Variants in CACNA1B observed in about 807,000 individuals in gnomAD.
CACNA1B encodes the protein voltage-dependent N-type calcium channel subunit alpha-1B.
In CACNA1B, 70 loss-of-function variants were observed where a neutral mutation model predicts 247.2. The ratio of observed to expected loss-of-function variants is 0.28; its 90% CI spans 0.23 to 0.35. The LOEUF (loss-of-function observed/expected upper bound fraction) is 0.35. Among genes scored for constraint, CACNA1B ranks in the 10% least tolerant of loss-of-function variants. CACNA1B has a pLI of 1.00. For missense variants in CACNA1B, 2,367 were observed against 3,197.4 expected (o/e 0.74, Z 6.26); for synonymous variants, 1,231 against 1,294.4 (o/e 0.95, Z 1.05).
chr9:137,936,081 T>C lies in CACNA1B; in HGVS notation c.967-16193T>C, dbSNP rs1043947611. On this transcript the variant is annotated intron_variant, in intron 6 of 46. Transcript: ENST00000371372. The stretch of plus-strand genomic sequence containing the variant: ...ACCGTGTTAGCCAGGATGGTCTTGA[T>C]CTCCTGACCTTGTGATCCGCCCGCC... Among the ~76,000 whole-genome samples the C allele has an allele frequency of 5.3e-5, 8 of 152,172 alleles. No individual in the cohort carries two copies. The East Asian group carries it at 1.5e-3, about 29-fold the overall frequency.
intron 11 of CACNA1B, among the ~76,000 whole-genome samples, chr9:137,972,999 T>TG (rs1958173876): frequency 6.6e-6 from 1 of 152,146 alleles, no homozygotes; most frequent in African/African-American, 2.4e-5. Flanking sequence ...TTCCCACCCT[T>TG]GGGGGTCAGG....
chr9:137,908,020 T>A (rs1335437620), intron 3 of CACNA1B, among the ~76,000 whole-genome samples: 1 of 152,258 alleles, frequency 6.6e-6, no homozygotes, highest in Admixed American at 6.5e-5. Context: ...GCTCTCGTTC[T>A]GCCCCATGCC....
At chr9:137,967,093 C>T (rs1589038263) in intron 10 of CACNA1B, among the ~76,000 whole-genome samples, 2 of 151,962 alleles carry the variant, frequency 1.3e-5, no homozygotes, top group African/African-American at 2.4e-5. Flanking sequence ...CTGCTTTAAT[C>T]GAGTTGCTGT....
intron 39 of CACNA1B, among the ~76,000 whole-genome samples, chr9:138,108,209 C>T (rs1286500690): frequency 2.7e-5 from 4 of 149,228 alleles, no homozygotes; most frequent in East Asian, 2.0e-4. Context: ...TGGTGGTGAA[C>T]GCCTGTGCTC....
chr9:137,923,267 G>C (rs1186302582), intron 6 of CACNA1B, among the ~76,000 whole-genome samples: 2 of 146,888 alleles, frequency 1.4e-5, no homozygotes, highest in African/African-American at 5.2e-5. Flanking sequence ...GTGGTGCCAG[G>C]TGGTATTCCA....
intron 6 of CACNA1B, among the ~76,000 whole-genome samples, chr9:137,921,959 C>A (rs374294147): frequency 4.1e-5 from 6 of 147,000 alleles, no homozygotes; most frequent in East Asian, 4.2e-4. Flanking sequence ...ATCCTGGGAG[C>A]AGAGTAAAGT....
At chr9:138,009,058 G>C (rs1049181114) in intron 16 of CACNA1B, among the ~76,000 whole-genome samples, 9 of 152,238 alleles carry the variant, frequency 5.9e-5, no homozygotes, top group Non-Finnish European at 1.0e-4. Context: ...GGGCAGGGAG[G>C]TGAGAGTTCA....
At chr9:137,910,656 G>A (rs1957349464) in intron 3 of CACNA1B, among the ~76,000 whole-genome samples, 1 of 152,154 alleles carries the variant, frequency 6.6e-6, no homozygotes, top group African/African-American at 2.4e-5. Flanking sequence ...CTCATAAGGA[G>A]CGTGCAACCT....
chr9:137,987,574 C>G (rs1375886586), intron 15 of CACNA1B, among the ~76,000 whole-genome samples: 1 of 152,186 alleles, frequency 6.6e-6, no homozygotes, highest in Non-Finnish European at 1.5e-5. Context: ...GGAGGCCCAA[C>G]AGGCTGTGTT....
chr9:137,952,809 G>A lies in CACNA1B; in HGVS notation c.1070+432G>A, dbSNP rs1957894313. On this transcript the variant is annotated intron_variant, in intron 7 of 46. Transcript: ENST00000371372. The surrounding 1 kb of genome is among the most constrained non-coding windows in gnomAD (Gnocchi z 4.8). ...TGTGATGGGAAGTGTGGTCTTGGTA[G>A]ATGGAGGTGTGGTCTGGGACAGGGT... 6.6e-6 allele frequency among the ~76,000 whole-genome samples: 1 copy of A among 151,878 alleles called. No individual in the cohort carries two copies. The highest frequency in any genetic ancestry group is 2.4e-5 in the African/African-American group (1 of 41,308).
chr9:138,011,419 G>A lies in CACNA1B; in HGVS notation c.2160+1342G>A, dbSNP rs757907020. 1.2e-4 allele frequency among the ~76,000 whole-genome samples: 18 copies of A among 152,258 alleles called. No individual in the cohort carries two copies. The highest frequency in any genetic ancestry group is 3.4e-3 in the Middle Eastern group (1 of 294). On this transcript the variant is annotated intron_variant, in intron 17 of 46. Coordinates refer to ENST00000371372, the MANE Select transcript of CACNA1B (RefSeq NM_000718.4). The surrounding 1 kb of genome is among the most constrained non-coding windows in gnomAD (Gnocchi z 4.2). ...TAGGAATTTCTTCTCTGAGGATCGG[G>A]GCCACTGGGGGCCTGTCTGTGTCTG...
Position 138,096,591 on chromosome 9 carries a change from T to G in CACNA1B, c.5202T>G (p.Ala1734=), listed in dbSNP as rs1455133487. Residue 1734 remains alanine (A), a synonymous_variant, in exon 37 of 47, where the codon GCT becomes GCG. Coordinates refer to ENST00000371372, the MANE Select transcript of CACNA1B (RefSeq NM_000718.4). The part of the protein sequence containing the change: ...HHLDEFIRVW[A]EYDPAACGRI... ...TGGATGAGTTCATCCGGGTCTGGGC[T>G]GAATACGACCCGGCTGCGTGGTAAG... 5.6e-6 allele frequency: 9 copies of G among 1,612,380 alleles called. No individual in the cohort carries two copies. The highest frequency in any genetic ancestry group is 7.6e-6 in the Non-Finnish European group (9 of 1,179,188).
At position 138,050,075 on chromosome 9, in the gene CACNA1B, G is replaced by T; in HGVS notation, c.3710+760G>T. Reference sequence around the variant, plus strand: ...GTCTTCCTCTTGCTGGACTCGGCAGGAGCTTCGTGGGGTAATGCCTTCTCT... The same window carrying T: ...GTCTTCCTCTTGCTGGACTCGGCAGTAGCTTCGTGGGGTAATGCCTTCTCT... On this transcript the variant is annotated intron_variant, in intron 24 of 46. Transcript: ENST00000371372. This position sits in a 1 kb window ranked among gnomAD's most constrained non-coding sequence, Gnocchi z 5.2. The T allele has an allele frequency of 7.8e-7, 1 of 1,289,682 alleles. No homozygotes were observed. The highest frequency in any genetic ancestry group is 1.0e-6 in the Non-Finnish European group (1 of 988,748). 79.9% of individuals were successfully genotyped at this position (1,289,682 alleles called of 1,614,324 possible). A position where few individuals can be genotyped will look rare whatever the true frequency, so the allele number is the denominator to read the frequency against.
At chr9:138,082,305 G>C (rs1367685567) in intron 36 of CACNA1B, among the ~76,000 whole-genome samples, 1 of 151,386 alleles carries the variant, frequency 6.6e-6, no homozygotes, top group East Asian at 2.0e-4. Flanking sequence ...AAATTTAACA[G>C]AGTTTAATTG....
intron 36 of CACNA1B, among the ~76,000 whole-genome samples, chr9:138,090,311 G>A (rs1960833206): frequency 6.6e-6 from 1 of 152,088 alleles, no homozygotes; most frequent in Admixed American, 6.6e-5. Context: ...GAGCAGGACA[G>A]TCTCTTCAAT....
At chr9:137,980,698 T>C (rs1451535274) in intron 12 of CACNA1B, among the ~76,000 whole-genome samples, 1 of 152,208 alleles carries the variant, frequency 6.6e-6, no homozygotes, top group Non-Finnish European at 1.5e-5. Flanking sequence ...CACTGTCTAT[T>C]GTTCCCTTCT....
chr9:137,931,002 G>A (rs1451276454), intron 6 of CACNA1B, among the ~76,000 whole-genome samples: 1 of 151,938 alleles, frequency 6.6e-6, no homozygotes, highest in East Asian at 1.9e-4. Flanking sequence ...GAGTTTAGTG[G>A]TGTGATGGTG....
Position 137,950,630 on chromosome 9 carries a change from G to A in CACNA1B, c.967-1644G>A, listed in dbSNP as rs1021649451. Among the ~76,000 whole-genome samples, 1 of 152,184 alleles carries A rather than the reference G, an allele frequency of 6.6e-6. No individual in the cohort carries two copies. The highest frequency in any genetic ancestry group is 1.5e-5 in the Non-Finnish European group (1 of 68,036). On this transcript the variant is annotated intron_variant, in intron 6 of 46. Coordinates refer to ENST00000371372, the MANE Select transcript of CACNA1B (RefSeq NM_000718.4). The surrounding 1 kb of genome is among the most constrained non-coding windows in gnomAD (Gnocchi z 4.8). ...GAGTTGTCTGAGAGCTCCCTGTCCT[G>A]CTAGGCTGCCTTGGTTAGGGAGAGC...
At position 137,956,797 on chromosome 9, in the gene CACNA1B, A is replaced by C. The variant is rs1006960254; in HGVS notation, c.1213A>C (p.Arg405=). ...AEEVMLAEED[R]NAEEKSPLDV... is the part of the protein sequence containing the mutation. ...GGAAGTCATGCTGGCCGAGGAGGAC[A>C]GGAATGCAGAGGAGAAGTCCCCTTT... Residue 405 remains arginine (R), a synonymous_variant, in exon 9 of 47, where the codon AGG becomes CGG. Transcript: ENST00000371372. 2.5e-6 allele frequency: 4 copies of C among 1,613,728 alleles called. No homozygotes were observed. The African/African-American group carries it at 5.3e-5, about 21-fold the overall frequency.
Sources: allele counts gnomAD v4.1 joint callset (sites outside exome capture counted in the v4.1 genomes callset), GRCh38; gene constraint gnomAD v4.1.1; non-coding constraint Gnocchi (gnomAD v3.1); transcripts MANE v1.5; gene names NCBI Gene and HGNC (gene_info 2026-07-23, HGNC 2026-07-21).